Variants in MTHFD1L observed in about 807,000 individuals in gnomAD.
MTHFD1L encodes the protein methylenetetrahydrofolate dehydrogenase (NADP+ dependent) 1 like.
A neutral mutation model predicts 119.5 loss-of-function variants in MTHFD1L; 81 were observed. That is an observed-to-expected ratio of 0.68 (90% CI 0.57 to 0.82). MTHFD1L has a LOEUF of 0.82. MTHFD1L is among the 40% of genes least tolerant of loss of function. The pLI, the probability that MTHFD1L is intolerant of heterozygous loss-of-function variation, is 0.00. For missense variants in MTHFD1L, 1,125 were observed against 1,253.4 expected, an observed-to-expected ratio of 0.90 and a Z score of 1.55; for synonymous variants, 430 against 475.2, an observed-to-expected ratio of 0.90 and a Z score of 1.24.
At chr6:150,979,596 G>A (rs1777133543) in intron 20 of MTHFD1L, among the ~76,000 whole-genome samples, 1 of 152,088 alleles carries the variant, frequency 6.6e-6, no homozygotes, top group Non-Finnish European at 1.5e-5. Flanking sequence ...CGCCTCCCGG[G>A]TTCAAGCGAT....
intron 7 of MTHFD1L, among the ~76,000 whole-genome samples, chr6:150,905,267 C>T (rs190499161): frequency 2.6e-5 from 4 of 151,982 alleles, no homozygotes; most frequent in South Asian, 2.1e-4. Flanking sequence ...CTCCTGACCT[C>T]GTGATCCACC....
At chr6:151,093,265 G>A (rs1260917796) in intron 27 of MTHFD1L, among the ~76,000 whole-genome samples, 2 of 152,124 alleles carry the variant, frequency 1.3e-5, no homozygotes, top group Admixed American at 6.6e-5. Flanking sequence ...GTCCCACCAC[G>A]TTCTCCCTGT....
intron 20 of MTHFD1L, among the ~76,000 whole-genome samples, chr6:150,990,333 T>C (rs1778887803): frequency 6.6e-6 from 1 of 151,906 alleles, no homozygotes; most frequent in Non-Finnish European, 1.5e-5. Flanking sequence ...TAATTGTAAG[T>C]ATCAGAACAA....
intron 16 of MTHFD1L, among the ~76,000 whole-genome samples, chr6:150,955,531 A>C (rs1389436875): frequency 3.2e-5 from 4 of 126,600 alleles, no homozygotes; most frequent in South Asian, 2.4e-4. Flanking sequence ...AGGGGGTCTC[A>C]CTCTGTCGCC....
At chr6:150,937,249 C>T (rs1792246071) in intron 12 of MTHFD1L, among the ~76,000 whole-genome samples, 1 of 152,130 alleles carries the variant, frequency 6.6e-6, no homozygotes, top group Non-Finnish European at 1.5e-5. Context: ...TCTTGAAACA[C>T]GGCCATCCAT....
At chr6:150,877,130 G>A (rs1194076875) in intron 2 of MTHFD1L, among the ~76,000 whole-genome samples, 2 of 152,142 alleles carry the variant, frequency 1.3e-5, no homozygotes, top group East Asian at 1.9e-4. Flanking sequence ...TTGGCTCACC[G>A]TAGCTTTGAC....
intron 24 of MTHFD1L, among the ~76,000 whole-genome samples, chr6:151,026,386 G>A (rs1160726143): frequency 2.0e-5 from 3 of 152,190 alleles, no homozygotes; most frequent in Non-Finnish European, 4.4e-5. Flanking sequence ...GATATCCCAT[G>A]TGGCTAAGAT....
chr6:151,097,387 T>A (rs1794968473), intron 27 of MTHFD1L, among the ~76,000 whole-genome samples: 1 of 152,068 alleles, frequency 6.6e-6, no homozygotes, highest in Non-Finnish European at 1.5e-5. Context: ...TTAAAGAAAA[T>A]GTGGTATGTA....
Position 151,099,486 on chromosome 6 carries a change from C to T in MTHFD1L, c.*32-2040C>T, listed in dbSNP as rs530389595. The T allele has an allele frequency of 6.5e-5, 81 of 1,238,340 alleles. 1 individual carries two copies. In the East Asian group the frequency reaches 1.3e-3, roughly 21 times the overall value. The allele number at this position is 1,238,340 out of a possible 1,614,324, so 76.7% of individuals were successfully genotyped here. A position where few individuals can be genotyped will look rare whatever the true frequency, so the allele number is the denominator to read the frequency against. ...TTTTTTGCCCTTCTCTCTTCCTCGGCGCTGCCTATGGAGGTGGCAGCCATC... is the reference window on the plus strand; with the variant it reads ...TTTTTTGCCCTTCTCTCTTCCTCGGTGCTGCCTATGGAGGTGGCAGCCATC... On this transcript the variant is annotated intron_variant, in intron 27 of 27. Coordinates refer to ENST00000367321, the MANE Select transcript of MTHFD1L (RefSeq NM_015440.5).
At chr6:151,013,948 C>T in intron 22 of MTHFD1L, 128 bp downstream of exon 22, 2 of 766,620 alleles carry the variant, frequency 2.6e-6, no homozygotes, top group Non-Finnish European at 4.2e-6. Context: ...CGCAGTGACT[C>T]ACACCTGTAA....
intron 1 of MTHFD1L, 195 bp from the exon 2 acceptor site, chr6:150,875,895 G>T (rs144863373): frequency 2.4e-3 from 1,192 of 495,466 alleles, no homozygotes; most frequent in Admixed American, 5.9e-3. Context: ...CTGGATTGCC[G>T]CATTTTACCT....
chr6:151,032,067 G>A (rs1000569590), intron 24 of MTHFD1L, among the ~76,000 whole-genome samples: 1 of 152,124 alleles, frequency 6.6e-6, no homozygotes, highest in African/African-American at 2.4e-5. Flanking sequence ...TAGTTTTGTG[G>A]TATGATTGAT....
At chr6:150,880,039 T>A (rs762613314) in intron 4 of MTHFD1L, among the ~76,000 whole-genome samples, 5 of 152,208 alleles carry the variant, frequency 3.3e-5, no homozygotes, top group Non-Finnish European at 7.3e-5. Flanking sequence ...CTTGCATATG[T>A]TGTGTAATGA....
chr6:150,906,437 G>A (rs1785920277), intron 8 of MTHFD1L, among the ~76,000 whole-genome samples: 1 of 152,218 alleles, frequency 6.6e-6, no homozygotes, highest in Non-Finnish European at 1.5e-5. Flanking sequence ...GGCCCAGAGT[G>A]GGTTCCTTTT....
At chr6:150,886,937 A>G (rs1782408661) in intron 6 of MTHFD1L, among the ~76,000 whole-genome samples, 1 of 151,434 alleles carries the variant, frequency 6.6e-6, no homozygotes, top group Admixed American at 6.6e-5. Flanking sequence ...TCAAGGCTTC[A>G]GTGAGCTGTG....
intron 26 of MTHFD1L, among the ~76,000 whole-genome samples, chr6:151,044,282 G>T (rs1389474972): frequency 4.6e-5 from 7 of 150,796 alleles, no homozygotes; most frequent in African/African-American, 9.7e-5. Flanking sequence ...AGGAGGCACC[G>T]CATGGGTACA....
At chr6:150,912,644 T>C (rs1331746418) in intron 8 of MTHFD1L, 1 of 490,160 alleles carries the variant, frequency 2.0e-6, no homozygotes, top group Non-Finnish European at 4.2e-6. Flanking sequence ...GATAACACTT[T>C]GGCCTTAAAT....
intron 19 of MTHFD1L, among the ~76,000 whole-genome samples, chr6:150,967,561 G>A (rs1797399996): frequency 6.6e-6 from 1 of 152,180 alleles, no homozygotes; most frequent in Non-Finnish European, 1.5e-5. Flanking sequence ...CATAAACCAG[G>A]ACCCACCTCC....
chr6:151,046,469 G>GTGTGTA (rs1788046728), intron 26 of MTHFD1L, among the ~76,000 whole-genome samples: 1 of 116,864 alleles, frequency 8.6e-6, no homozygotes, highest in Admixed American at 8.7e-5. Context: ...ATATGTGTGT[G>GTGTGTA]TGTATATATA....
Sources: allele counts gnomAD v4.1 joint callset (sites outside exome capture counted in the v4.1 genomes callset), GRCh38; gene constraint gnomAD v4.1.1; transcripts MANE v1.5; gene names NCBI Gene and HGNC (gene_info 2026-07-23, HGNC 2026-07-21).